The following FSTL5 variants were observed in gnomAD, a reference collection of about 807,000 sequenced individuals.
FSTL5 encodes follistatin like 5, also known as follistatin-related protein 5.
FSTL5 carries 62 observed loss-of-function variants against 89.1 expected under a neutral mutation model. The observed-to-expected ratio is 0.70, with a 90% CI of 0.57 to 0.86. FSTL5 has a LOEUF of 0.86. Ranked by LOEUF, FSTL5 falls within the 40% of genes least tolerant of loss-of-function variation. FSTL5 has a pLI of 0.00. For missense variants in FSTL5, 1,057 were observed against 1,001.6 expected, an observed-to-expected ratio of 1.06 and a Z score of -0.75; for synonymous variants, 383 against 346.2, an observed-to-expected ratio of 1.11 and a Z score of -1.18.
chr4:161,456,870 A>G (rs952394549), intron 14 of FSTL5, among the ~76,000 whole-genome samples: 4 of 152,170 alleles, frequency 2.6e-5, no homozygotes, highest in African/African-American at 9.6e-5. Flanking sequence ...CTGACATTCA[A>G]GGGAATTGAC....
chr4:161,570,038 C>T lies in FSTL5; in HGVS notation c.1015+17417G>A, dbSNP rs557450530. 2.6e-5 allele frequency among the ~76,000 whole-genome samples: 4 copies of T among 152,238 alleles called. No homozygotes were observed. The South Asian group carries it at 8.3e-4, about 32-fold the overall frequency. On this transcript the variant is annotated intron_variant, in intron 8 of 15. Transcript: ENST00000306100. ...TCATGTACATTTAAAAATGCTGCCT[C>T]TTTAATATATACCCTTGTTTTTTTG...
chr4:161,806,558 T>C (rs910183613), intron 4 of FSTL5, among the ~76,000 whole-genome samples: 12 of 152,188 alleles, frequency 7.9e-5, no homozygotes, highest in African/African-American at 2.7e-4. Flanking sequence ...CAAGTCACTG[T>C]TGACAATAAA....
chr4:161,584,375 CCTT>C (rs1320063735), intron 8 of FSTL5, among the ~76,000 whole-genome samples: 2 of 152,148 alleles, frequency 1.3e-5, no homozygotes, highest in Admixed American at 6.5e-5. Context: ...ATCAGTCCGT[CCTT>C]CTGTGAATTA....
intron 15 of FSTL5, chr4:161,388,454 T>C (rs1018960334): frequency 6.6e-6 from 1 of 151,984 alleles, no homozygotes; most frequent in African/African-American, 2.4e-5. Flanking sequence ...GTCAACTGAG[T>C]CCCATATTTC....
chr4:161,951,287 C>T (rs1734887133), intron 3 of FSTL5, among the ~76,000 whole-genome samples: 1 of 152,024 alleles, frequency 6.6e-6, no homozygotes, highest in African/African-American at 2.4e-5. Flanking sequence ...TAAGAACAGA[C>T]TAATACACTA....
chr4:161,779,483 T>C (rs1741542311), intron 4 of FSTL5, among the ~76,000 whole-genome samples: 1 of 151,778 alleles, frequency 6.6e-6, no homozygotes, highest in South Asian at 2.1e-4. Context: ...ATTTTATACA[T>C]ATTGAATCTT....
intron 3 of FSTL5, among the ~76,000 whole-genome samples, chr4:161,954,178 A>C (rs1232529791): frequency 6.6e-6 from 1 of 151,700 alleles, no homozygotes; most frequent in Non-Finnish European, 1.5e-5. Context: ...TAAATCACTA[A>C]GGGACAGATC....
At chr4:161,526,619 T>C (rs1280475743) in intron 10 of FSTL5, among the ~76,000 whole-genome samples, 1 of 152,218 alleles carries the variant, frequency 6.6e-6, no homozygotes, top group Non-Finnish European at 1.5e-5. Context: ...GAATTAATTT[T>C]TGTATAAGGT....
chr4:162,156,440 C>A (rs1023669772), intron 1 of FSTL5, among the ~76,000 whole-genome samples: 3 of 152,146 alleles, frequency 2.0e-5, no homozygotes, highest in Non-Finnish European at 1.5e-5. Context: ...CATACATGGA[C>A]TTGCATGCTC....
chr4:161,504,841 A>G (rs965108769), intron 11 of FSTL5, among the ~76,000 whole-genome samples: 3 of 152,030 alleles, frequency 2.0e-5, no homozygotes, highest in Non-Finnish European at 4.4e-5. Context: ...TATACTACCT[A>G]TTATATACAG....
At chr4:161,867,312 A>G (rs1001699701) in intron 4 of FSTL5, among the ~76,000 whole-genome samples, 13 of 152,056 alleles carry the variant, frequency 8.5e-5, no homozygotes, top group African/African-American at 2.7e-4. Flanking sequence ...CTTAAGCAGT[A>G]CAAGGTATTG....
At chr4:161,811,564 T>C (rs879890230) in intron 4 of FSTL5, among the ~76,000 whole-genome samples, 5 of 152,058 alleles carry the variant, frequency 3.3e-5, no homozygotes, top group Admixed American at 3.3e-4. Context: ...TTGCACAGCA[T>C]ACAGTATGTC....
chr4:161,458,477 T>G (rs941363431), intron 14 of FSTL5, among the ~76,000 whole-genome samples: 2 of 152,206 alleles, frequency 1.3e-5, no homozygotes, highest in Non-Finnish European at 2.9e-5. Flanking sequence ...TGACAACTGA[T>G]TAAAATAAAA....
At chr4:161,931,340 T>G (rs1176992509) in intron 3 of FSTL5, among the ~76,000 whole-genome samples, 3 of 151,754 alleles carry the variant, frequency 2.0e-5, no homozygotes, top group Non-Finnish European at 4.4e-5. Context: ...GAATATAGTG[T>G]GAGTCAAACA....
intron 11 of FSTL5, among the ~76,000 whole-genome samples, chr4:161,506,146 T>C (rs935972142): frequency 5.2e-5 from 7 of 134,558 alleles, no homozygotes. Context: ...GAGCGATCAC[T>C]GCAGTCTTGA....
At chr4:162,047,157 C>T (rs1220282872) in intron 2 of FSTL5, among the ~76,000 whole-genome samples, 1 of 152,042 alleles carries the variant, frequency 6.6e-6, no homozygotes, top group East Asian at 1.9e-4. Flanking sequence ...AGGAGATAAA[C>T]AGAAAGTAGG....
chr4:161,903,658 A>C (rs1165120991), intron 4 of FSTL5, among the ~76,000 whole-genome samples: 1 of 152,040 alleles, frequency 6.6e-6, no homozygotes, highest in Non-Finnish European at 1.5e-5. Flanking sequence ...TTTTCCCCCA[A>C]ATCAGACATT....
intron 7 of FSTL5, among the ~76,000 whole-genome samples, chr4:161,624,923 C>A (rs1048145482): frequency 1.3e-5 from 2 of 152,010 alleles, no homozygotes; most frequent in African/African-American, 2.4e-5. Flanking sequence ...GCAGAGAAGC[C>A]GGTGCTACAG....
intron 7 of FSTL5, among the ~76,000 whole-genome samples, chr4:161,618,183 G>A (rs1168204746): frequency 7.2e-6 from 1 of 139,584 alleles, no homozygotes; most frequent in Non-Finnish European, 1.5e-5. Flanking sequence ...TGTATCCTGA[G>A]ACTTTGCTGA....
Sources: allele counts gnomAD v4.1 joint callset (sites outside exome capture counted in the v4.1 genomes callset), GRCh38; gene constraint gnomAD v4.1.1; transcripts MANE v1.5; gene names NCBI Gene and HGNC (gene_info 2026-07-23, HGNC 2026-07-21).